The following DOCK5 variants were observed in gnomAD, a reference collection of about 807,000 sequenced individuals.
The protein encoded by DOCK5 is dedicator of cytokinesis 5.
DOCK5 carries 142 observed loss-of-function variants against 251.8 expected under a neutral mutation model. That is an observed-to-expected ratio of 0.56 (90% CI 0.49 to 0.65). The LOEUF is 0.65. Ranked by LOEUF, DOCK5 falls within the 30% of genes least tolerant of loss-of-function variation. The probability of loss-of-function intolerance (pLI) is 0.00; values close to 1 mark genes in which losing one functional copy is unlikely to be tolerated. For synonymous variants in DOCK5, 842 were observed against 835.5 expected (o/e 1.01, Z -0.13); for missense variants, 2,111 against 2,312.3 (o/e 0.91, Z 1.79).
chr8:25,389,435 G>A (rs928997422), intron 41 of DOCK5, among the ~76,000 whole-genome samples: 2 of 152,172 alleles, frequency 1.3e-5, no homozygotes, highest in African/African-American at 4.8e-5. Flanking sequence ...AAAGAGGAGA[G>A]ATAATAGACA....
chr8:25,303,270 C>T (rs2117170308), intron 10 of DOCK5, among the ~76,000 whole-genome samples: 1 of 152,260 alleles, frequency 6.6e-6, no homozygotes, highest in South Asian at 2.1e-4. Context: ...CCTTTCTTTC[C>T]CCCTTAGTGC....
At chr8:25,305,942 T>C (rs1429586160) in intron 11 of DOCK5, among the ~76,000 whole-genome samples, 1 of 152,060 alleles carries the variant, frequency 6.6e-6, no homozygotes. Flanking sequence ...ACAAAAAATA[T>C]GTATTATATG....
intron 13 of DOCK5, among the ~76,000 whole-genome samples, chr8:25,311,543 CAAAAAAA>C (rs775794833): frequency 5.1e-5 from 5 of 98,476 alleles, no homozygotes; most frequent in East Asian, 3.1e-4. Context: ...AACTCTGTCT[CAAAAAAA>C]AAAAAAAGAA....
intron 22 of DOCK5, among the ~76,000 whole-genome samples, chr8:25,340,063 G>T (rs1805915067): frequency 6.6e-6 from 1 of 152,184 alleles, no homozygotes; most frequent in African/African-American, 2.4e-5. Flanking sequence ...TAACATCTAG[G>T]TTTGGGGTGG....
intron 1 of DOCK5, among the ~76,000 whole-genome samples, chr8:25,192,832 A>AT (rs747913711): frequency 1.3e-5 from 2 of 152,046 alleles, no homozygotes; most frequent in Non-Finnish European, 2.9e-5. Flanking sequence ...TCTATGTTAT[A>AT]TTTTCTTTAT....
At chr8:25,206,900 C>A (rs1802014620) in intron 1 of DOCK5, among the ~76,000 whole-genome samples, 1 of 152,164 alleles carries the variant, frequency 6.6e-6, no homozygotes, top group Non-Finnish European at 1.5e-5. Flanking sequence ...ATGGAAACCA[C>A]AAGGAAACTG....
At chr8:25,325,236 G>T in intron 17 of DOCK5, 128 bp from the exon 18 acceptor site, 1 of 917,002 alleles carries the variant, frequency 1.1e-6, no homozygotes, top group Non-Finnish European at 1.7e-6. Context: ...CTCAGAGGTG[G>T]AAGGGATCTT....
At chr8:25,321,628 A>G (rs1194791045) in intron 16 of DOCK5, among the ~76,000 whole-genome samples, 1 of 152,136 alleles carries the variant, frequency 6.6e-6, no homozygotes, top group Non-Finnish European at 1.5e-5. Context: ...CTGATCCAAC[A>G]GGAGGCGGAG....
intron 2 of DOCK5, 80 bp from the exon 3 acceptor site, chr8:25,268,765 A>G: frequency 1.7e-6 from 2 of 1,195,798 alleles, no homozygotes; most frequent in Non-Finnish European, 2.4e-6. Flanking sequence ...TGCTAATAGA[A>G]CATGAGAGTA....
intron 21 of DOCK5, 133 bp downstream of exon 21, chr8:25,334,329 AGCTTCCGGGTGG>A: frequency 1.4e-6 from 1 of 715,886 alleles, no homozygotes; most frequent in Non-Finnish European, 2.4e-6. Context: ...TCTTATTCTA[AGCTTCCGGGTGG>A]AAAAAGGGAA....
At chr8:25,264,110 C>T (rs1174174567) in intron 2 of DOCK5, among the ~76,000 whole-genome samples, 1 of 151,898 alleles carries the variant, frequency 6.6e-6, no homozygotes, top group African/African-American at 2.4e-5. Context: ...TGCCTATAAT[C>T]CTAGCACTTT....
chr8:25,378,798 G>A (rs987142773), intron 38 of DOCK5, among the ~76,000 whole-genome samples: 2 of 152,302 alleles, frequency 1.3e-5, no homozygotes, highest in East Asian at 3.9e-4. Flanking sequence ...CACTATCGGG[G>A]AAACCCACCC....
rs1437649422 is a variant in DOCK5 at position 25,258,856 on chromosome 8, C to T, written c.128-9989C>T. On this transcript the variant is annotated intron_variant, in intron 2 of 51. Coordinates refer to ENST00000276440, the MANE Select transcript of DOCK5 (RefSeq NM_024940.8). ...TAAATAGACCGGACACAGTGGCTCA[C>T]GCTTGTAATCCCAGCACTTTGGGAG... 1.2e-4 allele frequency among the ~76,000 whole-genome samples: 18 copies of T among 152,290 alleles called. No individual in the cohort carries two copies. In the South Asian group the frequency reaches 1.2e-3, roughly 11 times the overall value.
At chr8:25,356,217 A>G (rs994064909) in intron 27 of DOCK5, among the ~76,000 whole-genome samples, 1 of 152,142 alleles carries the variant, frequency 6.6e-6, no homozygotes, top group Non-Finnish European at 1.5e-5. Flanking sequence ...CAAAAAATAC[A>G]TAATAATGGA....
intron 3 of DOCK5, among the ~76,000 whole-genome samples, chr8:25,272,106 G>T (rs1803927478): frequency 6.6e-6 from 1 of 152,030 alleles, no homozygotes; most frequent in Non-Finnish European, 1.5e-5. Flanking sequence ...ACAGTTCACT[G>T]CAGCCTTGAC....
In DOCK5 at chr8:25,415,558, T is replaced by C. The variant is rs1236290054; in HGVS notation, c.*4260T>C. 1 of 152,248 alleles carries C rather than the reference T, an allele frequency of 6.6e-6. No individual in the cohort carries two copies. The highest frequency in any genetic ancestry group is 1.5e-5 in the Non-Finnish European group (1 of 68,046). The allele number at this position is 152,248 out of a possible 1,614,324, so 9.4% of individuals were successfully genotyped here. A position where few individuals can be genotyped will look rare whatever the true frequency, so the allele number is the denominator to read the frequency against. On this transcript the variant is annotated 3_prime_UTR_variant, in exon 52 of 52. Transcript: ENST00000276440. ...TATTAGCCATATTTTGTGAGTCGTT[T>C]GTCTAAACTTTGTCAAAAATGCCTT... is the stretch of plus-strand genomic sequence containing the variant.
At position 25,334,078 on chromosome 8, in the gene DOCK5, AT is replaced by A; in HGVS notation, c.2092-13del. 6.3e-7 allele frequency: 1 copy of A among 1,597,596 alleles called. No individual in the cohort carries two copies. The highest frequency in any genetic ancestry group is 8.6e-7 in the Non-Finnish European group (1 of 1,165,216). ...GGGATTGTGCAGTGCTGCTATTTCT[AT>A]TTTTCACTTTTGGCAGGTATTTATT... On this transcript the variant is annotated splice_polypyrimidine_tract_variant and intron_variant, in intron 20 of 51. Coordinates refer to ENST00000276440, the MANE Select transcript of DOCK5 (RefSeq NM_024940.8).
At chr8:25,365,441 AAAC>A (rs1800759301) in intron 30 of DOCK5, among the ~76,000 whole-genome samples, 1 of 152,266 alleles carries the variant, frequency 6.6e-6, no homozygotes, top group Non-Finnish European at 1.5e-5. Context: ...CAAAATGCAC[AAAC>A]AAAGCAATGA....
chr8:25,309,004 C>T (rs1805020867), intron 12 of DOCK5, 79 bp downstream of exon 12: 2 of 1,513,130 alleles, frequency 1.3e-6, no homozygotes, highest in African/African-American at 1.4e-5. Context: ...GACTCCTGCC[C>T]TTTATTATCT....
Sources: gnomAD v4.1 joint callset for allele counts (sites outside exome capture counted in the v4.1 genomes callset) on GRCh38, gnomAD v4.1.1 for gene constraint, MANE v1.5 for transcripts, NCBI Gene and HGNC (gene_info 2026-07-23, HGNC 2026-07-21) for gene names.